The following CDH7 variants were observed in gnomAD, a reference collection of about 807,000 sequenced individuals.
The protein encoded by CDH7 is cadherin-7.
A neutral mutation model predicts 71.8 loss-of-function variants in CDH7; 25 were observed. The ratio of observed to expected loss-of-function variants is 0.35; its 90% CI spans 0.25 to 0.49. The LOEUF is 0.49. CDH7 is among the 20% of genes least tolerant of loss of function. The pLI is 0.99. For synonymous variants in CDH7, 381 were observed against 363.8 expected, an observed-to-expected ratio of 1.05 and a Z score of -0.54; for missense variants, 862 against 974.6, an observed-to-expected ratio of 0.88 and a Z score of 1.54.
At position 65,858,995 on chromosome 18, in the gene CDH7, A is replaced by G; in HGVS notation, c.1443A>G (p.Glu481=). ...TILDINDNAP[E]FAMDYETTVC... is the part of the protein sequence containing the mutation. ...TTGACATCAATGATAACGCCCCTGA[A>G]TTTGCCATGGACTATGAGACCACCG... The change falls in exon 9 of 12, where the codon GAA becomes GAG. Residue 481 remains glutamate (E), a synonymous_variant. Coordinates refer to ENST00000397968, the MANE Select transcript of CDH7 (RefSeq NM_004361.5). 1 of 1,613,524 alleles carries G rather than the reference A, an allele frequency of 6.2e-7. No individual in the cohort carries two copies.
chr18:65,866,315 C>CAAAAAAAAA (rs1568228989), intron 11 of CDH7: 3 of 1,358 alleles, frequency 2.2e-3, no homozygotes, highest in African/African-American at 4.5e-3. Context: ...AAAAAAAAAA[C>CAAAAAAAAA]AAAAAAAAAA....
At chr18:65,877,409 C>A (rs1231938678) in intron 11 of CDH7, among the ~76,000 whole-genome samples, 7 of 151,732 alleles carry the variant, frequency 4.6e-5, no homozygotes, top group Non-Finnish European at 7.4e-5. Context: ...CTATATATAG[C>A]AATATATTTA....
In CDH7 at chr18:65,859,803, C is replaced by T; in HGVS notation, c.1590C>T (p.Asn530=). 1 of 1,597,534 alleles carries T rather than the reference C, an allele frequency of 6.3e-7. No individual in the cohort carries two copies. The highest frequency in any genetic ancestry group is 8.6e-7 in the Non-Finnish European group (1 of 1,165,028). ...SLTTDATNNH[N]FSLKDNKDNT... Reference sequence around the variant, plus strand: ...CAACGGATGCAACAAATAACCACAACTTTTCATTGAAAGATAACAAAGGTA... The same window carrying T: ...CAACGGATGCAACAAATAACCACAATTTTTCATTGAAAGATAACAAAGGTA... The change falls in exon 10 of 12, where the codon AAC becomes AAT. Residue 530 remains asparagine, a synonymous_variant. Transcript: ENST00000397968.
Position 65,843,869 on chromosome 18 carries a change from G to A in CDH7, c.1039G>A (p.Asp347Asn), listed in dbSNP as rs1912827122. 6.3e-7 allele frequency: 1 copy of A among 1,581,996 alleles called. No individual in the cohort carries two copies. The highest frequency in any genetic ancestry group is 8.6e-7 in the Non-Finnish European group (1 of 1,160,526). ...YTLRIEAANK[D>N]ADPRFLSLGP... ...GCTACGGATAGAAGCTGCAAATAAA[G>A]ATGCCGACCCTCGCTTTCTGAGCTT... is the stretch of plus-strand genomic sequence containing the variant. The change falls in exon 7 of 12, where the codon GAT (aspartate) becomes AAT (asparagine). Residue 347 changes from aspartate to asparagine, a missense_variant. Transcript: ENST00000397968.
At chr18:65,767,057 A>G (rs959508886) in intron 2 of CDH7, among the ~76,000 whole-genome samples, 17 of 149,966 alleles carry the variant, frequency 1.1e-4, no homozygotes, top group Middle Eastern at 3.6e-3. Context: ...CCTCTTCCAC[A>G]GTTGCTTCCC....
intron 2 of CDH7, among the ~76,000 whole-genome samples, chr18:65,782,107 C>CTTTCTTTCTTTCTTTCT (rs1555682165): frequency 2.4e-4 from 6 of 25,222 alleles, no homozygotes; most frequent in Non-Finnish European, 3.0e-4. Flanking sequence ...TCCTTCCTTC[C>CTTTCTTTCTTTCTTTCT]TTCTTTCTTT....
rs1914428957 is a variant in CDH7 at position 65,888,417 on chromosome 18, A to G, written c.*7523A>G. On this transcript the variant is annotated 3_prime_UTR_variant, in exon 12 of 12. Coordinates refer to ENST00000397968, the MANE Select transcript of CDH7 (RefSeq NM_004361.5). Reference sequence around the variant, plus strand: ...AATTCTTGGTACCTCAAAAGACCTGACACACTACAATGAAGACTTCTGTTG... The same window carrying G: ...AATTCTTGGTACCTCAAAAGACCTGGCACACTACAATGAAGACTTCTGTTG... The G allele has an allele frequency of 1.3e-5, 2 of 152,164 alleles. No individual in the cohort carries two copies. The highest frequency in any genetic ancestry group is 2.4e-5 in the African/African-American group (1 of 41,444). 9.4% of individuals were successfully genotyped at this position (152,164 alleles called of 1,614,324 possible). A position where few individuals can be genotyped will look rare whatever the true frequency, so the allele number is the denominator to read the frequency against.
chr18:65,867,745 T>C (rs2144048772), intron 11 of CDH7, among the ~76,000 whole-genome samples: 1 of 152,302 alleles, frequency 6.6e-6, no homozygotes, highest in South Asian at 2.1e-4. Flanking sequence ...GTAATTGAAG[T>C]CTTCTAGCGT....
chr18:65,819,634 C>T (rs946564310), intron 4 of CDH7, among the ~76,000 whole-genome samples: 3 of 151,960 alleles, frequency 2.0e-5, no homozygotes, highest in African/African-American at 7.3e-5. Flanking sequence ...TCGTGAAGGG[C>T]TTTGGGAGTT....
chr18:65,786,318 A>T (rs943988462), intron 2 of CDH7, among the ~76,000 whole-genome samples: 3 of 152,162 alleles, frequency 2.0e-5, no homozygotes, highest in African/African-American at 7.2e-5. Flanking sequence ...TCTCAGGCTG[A>T]CATAAAATAT....
chr18:65,779,345 C>A (rs1910094177), intron 2 of CDH7, among the ~76,000 whole-genome samples: 1 of 111,972 alleles, frequency 8.9e-6, no homozygotes, highest in African/African-American at 3.9e-5. Context: ...GGTACATGTG[C>A]ACATTGTGCA....
At position 65,859,772 on chromosome 18, in the gene CDH7, G is replaced by A. The variant is rs757981761; in HGVS notation, c.1559G>A (p.Ser520Asn). 6.2e-7 allele frequency: 1 copy of A among 1,612,100 alleles called. No individual in the cohort carries two copies. Among genetic ancestry groups the A allele is most frequent in the Non-Finnish European group, 8.5e-7 (1 of 1,178,304 alleles). ...TCCAATGGACACCAGTTTTACTTCA[G>A]CTTAACAACGGATGCAACAAATAAC... ...EPSNGHQFYF[S>N]LTTDATNNHN... The change falls in exon 10 of 12, where the codon AGC (serine) becomes AAC (asparagine). Residue 520 changes from serine to asparagine, a missense_variant. By Grantham distance (46) the Ser-to-Asn change is conservative. Transcript: ENST00000397968.
intron 2 of CDH7, among the ~76,000 whole-genome samples, chr18:65,792,064 TA>T (rs1404089103): frequency 5.3e-5 from 8 of 152,130 alleles, no homozygotes; most frequent in Non-Finnish European, 8.8e-5. Flanking sequence ...ATTTATCACA[TA>T]GGGGCATGTT....
chr18:65,791,254 A>T (rs58865764), intron 2 of CDH7, among the ~76,000 whole-genome samples: 5,030 of 152,322 alleles, frequency 0.033, 127 homozygotes, highest in South Asian at 0.12. Context: ...GTATGTTACA[A>T]TGTTACACAT....
intron 7 of CDH7, among the ~76,000 whole-genome samples, chr18:65,850,691 T>G (rs761528383): frequency 6.6e-5 from 10 of 151,868 alleles, no homozygotes; most frequent in Non-Finnish European, 1.3e-4. Flanking sequence ...AGATTGCATA[T>G]GAGATTTGAA....
intron 2 of CDH7, among the ~76,000 whole-genome samples, chr18:65,792,749 CA>C (rs1293340557): frequency 6.6e-6 from 1 of 152,132 alleles, no homozygotes; most frequent in Non-Finnish European, 1.5e-5. Context: ...CTTATCCATG[CA>C]GGCTGATTCT....
intron 3 of CDH7, among the ~76,000 whole-genome samples, chr18:65,813,626 C>G (rs916630155): frequency 2.0e-5 from 3 of 151,792 alleles, no homozygotes; most frequent in Non-Finnish European, 4.4e-5. Flanking sequence ...GGGCTTGTTC[C>G]ATATTTAAAA....
chr18:65,834,946 C>T (rs533710792), intron 6 of CDH7, among the ~76,000 whole-genome samples: 48 of 152,260 alleles, frequency 3.2e-4, no homozygotes, highest in African/African-American at 1.2e-3. Context: ...CTTTAATTTC[C>T]TTAGCTCATG....
At chr18:65,786,064 G>T (rs996624957) in intron 2 of CDH7, among the ~76,000 whole-genome samples, 3 of 152,150 alleles carry the variant, frequency 2.0e-5, no homozygotes, top group African/African-American at 7.2e-5. Flanking sequence ...GGTAGTGATT[G>T]ATCTGAGCTA....
Sources: gnomAD v4.1 joint callset for allele counts (sites outside exome capture counted in the v4.1 genomes callset) on GRCh38, gnomAD v4.1.1 for gene constraint, MANE v1.5 for transcripts, NCBI Gene and HGNC (gene_info 2026-07-23, HGNC 2026-07-21) for gene names.